MACROD2: variants seen among roughly 807,000 people sequenced by gnomAD.
The protein encoded by MACROD2 is ADP-ribose glycohydrolase MACROD2.
MACROD2 carries 36 observed loss-of-function variants against 70.4 expected under a neutral mutation model. The ratio of observed to expected loss-of-function variants is 0.51; its 90% CI spans 0.39 to 0.68. The LOEUF is 0.68. Among genes scored for constraint, MACROD2 ranks in the 30% least tolerant of loss-of-function variants. The pLI, the probability that MACROD2 is intolerant of heterozygous loss-of-function variation, is 0.00. For synonymous variants in MACROD2, 172 were observed against 178.8 expected, an observed-to-expected ratio of 0.96 and a Z score of 0.30; for missense variants, 496 against 538.4, an observed-to-expected ratio of 0.92 and a Z score of 0.78.
intron 6 of MACROD2, among the ~76,000 whole-genome samples, chr20:15,399,355 C>A (rs527932480): frequency 1.3e-5 from 2 of 152,234 alleles, no homozygotes; most frequent in South Asian, 4.1e-4. Flanking sequence ...AGGTGACAGA[C>A]CCTGATTTAC....
intron 5 of MACROD2, among the ~76,000 whole-genome samples, chr20:14,787,580 T>G (rs751335826): frequency 6.6e-6 from 1 of 152,102 alleles, no homozygotes; most frequent in Non-Finnish European, 1.5e-5. Flanking sequence ...TTTATCTTCC[T>G]ATGTATCCAG....
At chr20:14,625,719 G>C (rs527401145) in intron 4 of MACROD2, among the ~76,000 whole-genome samples, 1 of 152,320 alleles carries the variant, frequency 6.6e-6, no homozygotes, top group Non-Finnish European at 1.5e-5. Flanking sequence ...GAGCCAGCTA[G>C]TTGTCAATGA....
Position 15,038,784 on chromosome 20 carries a change from A to G in MACROD2, c.419-191156A>G, listed in dbSNP as rs78834286. 6.5e-3 allele frequency among the ~76,000 whole-genome samples: 997 copies of G among 152,290 alleles called. 8 individuals are homozygous for G. The highest frequency in any genetic ancestry group is 0.023 in the African/African-American group (951 of 41,562). On this transcript the variant is annotated intron_variant, in intron 5 of 17. Coordinates refer to ENST00000684519, the MANE Select transcript of MACROD2 (RefSeq NM_001351661.2). The stretch of plus-strand genomic sequence containing the variant: ...TCTTTTGATGCAGTTTGGGTTGAGG[A>G]AGGCAAGAGATGTATTGATGCTATC...
At chr20:15,405,895 G>T (rs1800650474) in intron 6 of MACROD2, among the ~76,000 whole-genome samples, 1 of 152,112 alleles carries the variant, frequency 6.6e-6, no homozygotes, top group Non-Finnish European at 1.5e-5. Context: ...CTTCAAAACA[G>T]CAGGCAAAGG....
chr20:15,149,751 CA>C (rs2076255793), intron 5 of MACROD2, among the ~76,000 whole-genome samples: 1 of 151,962 alleles, frequency 6.6e-6, no homozygotes. Context: ...GTTGTTTGGA[CA>C]AAGAAGCTAC....
intron 5 of MACROD2, among the ~76,000 whole-genome samples, chr20:15,070,089 G>A (rs2123104870): frequency 6.6e-6 from 1 of 152,254 alleles, no homozygotes; most frequent in South Asian, 2.1e-4. Flanking sequence ...GGCCTTGGGA[G>A]CCCACCCCTC....
intron 3 of MACROD2, among the ~76,000 whole-genome samples, chr20:14,230,654 T>TATATATATATATAAAAAA: frequency 2.4e-4 from 18 of 74,238 alleles, no homozygotes; most frequent in African/African-American, 1.0e-3. Context: ...TATATATATA[T>TATATATATATATAAAAAA]AACACAGGCT....
chr20:14,250,086 T>C (rs905873305), intron 3 of MACROD2, among the ~76,000 whole-genome samples: 10 of 151,874 alleles, frequency 6.6e-5, no homozygotes, highest in African/African-American at 2.4e-4. Flanking sequence ...CCAGAAAGAC[T>C]AGATAGGGAT....
intron 5 of MACROD2, among the ~76,000 whole-genome samples, chr20:15,179,990 C>T (rs539994920): frequency 2.7e-4 from 41 of 152,280 alleles, no homozygotes; most frequent in African/African-American, 9.1e-4. Context: ...CTTGGCTTGC[C>T]GATGGCCACC....
At chr20:15,909,329 C>T (rs1053713049) in intron 10 of MACROD2, among the ~76,000 whole-genome samples, 2 of 152,062 alleles carry the variant, frequency 1.3e-5, no homozygotes, top group Non-Finnish European at 1.5e-5. Context: ...TTACCACATT[C>T]TATTGGTTGA....
At chr20:14,666,285 A>G (rs770733358) in intron 4 of MACROD2, among the ~76,000 whole-genome samples, 70 of 152,198 alleles carry the variant, frequency 4.6e-4, no homozygotes, top group Non-Finnish European at 6.6e-4. Flanking sequence ...TACATAGTTT[A>G]TAAATTATTA....
chr20:14,767,827 T>C (rs2072111762), intron 5 of MACROD2, among the ~76,000 whole-genome samples: 1 of 151,868 alleles, frequency 6.6e-6, no homozygotes, highest in African/African-American at 2.4e-5. Flanking sequence ...TGTGTGATTT[T>C]CCCCTCCCTG....
chr20:14,585,227 C>G (rs1041864737), intron 4 of MACROD2, among the ~76,000 whole-genome samples: 10 of 152,170 alleles, frequency 6.6e-5, no homozygotes, highest in Non-Finnish European at 1.5e-5. Flanking sequence ...GCAAGTTTGT[C>G]TTGGAGCTGG....
At chr20:15,592,275 A>T (rs909634109) in intron 8 of MACROD2, among the ~76,000 whole-genome samples, 3 of 152,244 alleles carry the variant, frequency 2.0e-5, no homozygotes, top group Non-Finnish European at 4.4e-5. Context: ...TCAATAAATA[A>T]TCACTTCTAT....
intron 8 of MACROD2, among the ~76,000 whole-genome samples, chr20:15,725,617 T>C (rs896891381): frequency 3.3e-5 from 5 of 152,176 alleles, no homozygotes; most frequent in African/African-American, 4.8e-5. Flanking sequence ...CAAGAGAATA[T>C]TGAAAAGCAG....
intron 3 of MACROD2, among the ~76,000 whole-genome samples, chr20:14,392,059 G>T (rs2083532814): frequency 6.6e-6 from 1 of 150,678 alleles, no homozygotes; most frequent in African/African-American, 2.4e-5. Context: ...ACCTCCATGA[G>T]ACTTTTCTTT....
chr20:15,612,085 C>T (rs1378851308), intron 8 of MACROD2, among the ~76,000 whole-genome samples: 2 of 150,174 alleles, frequency 1.3e-5, no homozygotes, highest in South Asian at 2.2e-4. Flanking sequence ...GAGAAAGAAG[C>T]AGATATCCAA....
chr20:14,484,207 C>A (rs2084694856), intron 3 of MACROD2, among the ~76,000 whole-genome samples: 1 of 152,062 alleles, frequency 6.6e-6, no homozygotes, highest in Non-Finnish European at 1.5e-5. Context: ...TTTTAATATG[C>A]ATTTTAAAAT....
chr20:14,273,142 A>G (rs1466177331), intron 3 of MACROD2, among the ~76,000 whole-genome samples: 3 of 152,184 alleles, frequency 2.0e-5, no homozygotes, highest in African/African-American at 4.8e-5. Context: ...CACCAAGCGG[A>G]TCTAATAGAC....
Sources: gnomAD v4.1 joint callset for allele counts (sites outside exome capture counted in the v4.1 genomes callset) on GRCh38, gnomAD v4.1.1 for gene constraint, MANE v1.5 for transcripts, NCBI Gene and HGNC (gene_info 2026-07-23, HGNC 2026-07-21) for gene names.